The following MYO1D variants were observed in gnomAD, a reference collection of about 807,000 sequenced individuals.
The protein encoded by MYO1D is myosin ID, also known as unconventional myosin-Id.
MYO1D carries 83 observed loss-of-function variants against 122.0 expected under a neutral mutation model. The observed-to-expected ratio is 0.68, with a 90% CI of 0.57 to 0.82. The LOEUF (loss-of-function observed/expected upper bound fraction) is 0.82, where lower values mean the gene tolerates loss of function less well. Ranked by LOEUF, MYO1D falls within the 40% of genes least tolerant of loss-of-function variation. The pLI is 0.00. For missense variants in MYO1D, 1,157 were observed against 1,269.5 expected (o/e 0.91, Z 1.35); for synonymous variants, 464 against 446.9 (o/e 1.04, Z -0.48).
At chr17:32,617,205 G>A (rs2087782532) in intron 20 of MYO1D, among the ~76,000 whole-genome samples, 1 of 151,968 alleles carries the variant, frequency 6.6e-6, no homozygotes, top group South Asian at 2.1e-4. Flanking sequence ...AAATAAAGAA[G>A]GCTGACTACC....
At chr17:32,584,217 G>A (rs915345084) in intron 21 of MYO1D, among the ~76,000 whole-genome samples, 1 of 152,142 alleles carries the variant, frequency 6.6e-6, no homozygotes, top group East Asian at 1.9e-4. Context: ...TTTTACCTCT[G>A]TGCTTTAAAC....
intron 16 of MYO1D, among the ~76,000 whole-genome samples, chr17:32,683,727 G>A (rs2088960121): frequency 1.3e-5 from 2 of 152,248 alleles, no homozygotes; most frequent in African/African-American, 2.4e-5. Context: ...TGCCCCCAGA[G>A]GTGGAGCCTA....
In MYO1D at chr17:32,745,390, A is replaced by G. The variant is rs2089824637; in HGVS notation, c.1539-105T>C. On this transcript the variant is annotated intron_variant, in intron 12 of 21. Transcript: ENST00000318217. Reference sequence around the variant, plus strand: ...CCTTTCCACCGTTAATTATGCAATCAATAATCTAAAAGCTGATATTGTTCA... The same window carrying G: ...CCTTTCCACCGTTAATTATGCAATCGATAATCTAAAAGCTGATATTGTTCA... 10 of 668,982 alleles carry G rather than the reference A, an allele frequency of 1.5e-5. No individual in the cohort carries two copies. The South Asian group carries it at 1.7e-4, about 11-fold the overall frequency. The allele number at this position is 668,982 out of a possible 1,614,324, so 41.4% of individuals were successfully genotyped here.
At chr17:32,876,636 A>G (rs1040577514) in intron 1 of MYO1D, 142 bp downstream of exon 1, 4 of 584,002 alleles carry the variant, frequency 6.8e-6, no homozygotes, top group African/African-American at 2.0e-5. Context: ...AGCTTGGCAG[A>G]CCCCCGGACA....
chr17:32,645,047 G>T (rs2088267940), intron 19 of MYO1D, among the ~76,000 whole-genome samples: 2 of 152,290 alleles, frequency 1.3e-5, no homozygotes, highest in East Asian at 3.9e-4. Context: ...GCAGTGGCTG[G>T]TACCAGTTGT....
chr17:32,530,723 C>T (rs1412825196), intron 21 of MYO1D, among the ~76,000 whole-genome samples: 1 of 152,074 alleles, frequency 6.6e-6, no homozygotes, highest in African/African-American at 2.4e-5. Flanking sequence ...ATCTTTTGAG[C>T]CTAGGAGTTT....
intron 1 of MYO1D, among the ~76,000 whole-genome samples, chr17:32,803,566 AGCTTATATACATC>A (rs1341898796): frequency 6.6e-6 from 1 of 152,232 alleles, no homozygotes; most frequent in Admixed American, 6.5e-5. Context: ...AATCATCTAT[AGCTTATATACATC>A]GCACTATCAG....
chr17:32,659,391 A>T (rs1031071901), intron 16 of MYO1D, 53 bp from the exon 17 acceptor site: 46 of 1,565,662 alleles, frequency 2.9e-5, no homozygotes, highest in Non-Finnish European at 2.7e-5. Flanking sequence ...TGAGTTGTGG[A>T]TGGCTTTGAT....
intron 1 of MYO1D, among the ~76,000 whole-genome samples, chr17:32,847,458 T>C (rs948663687): frequency 3.3e-5 from 5 of 152,214 alleles, no homozygotes; most frequent in African/African-American, 1.2e-4. Flanking sequence ...AGGACATATC[T>C]TGGAACTTTG....
chr17:32,745,155 T>C (rs2089819143), intron 13 of MYO1D, 56 bp downstream of exon 13: 1 of 952,790 alleles, frequency 1.0e-6, no homozygotes, highest in Non-Finnish European at 1.6e-6. Context: ...CATGTGCATA[T>C]ATTACATATG....
intron 1 of MYO1D, among the ~76,000 whole-genome samples, chr17:32,826,300 TC>T (rs10718134): frequency 1 from 152,211 of 152,212 alleles, 76,105 homozygotes; most frequent in Middle Eastern, 1. Context: ...AATCAACACC[TC>T]CCATCCCCAC....
At chr17:32,643,637 GT>G (rs1243446318) in intron 19 of MYO1D, among the ~76,000 whole-genome samples, 3 of 152,064 alleles carry the variant, frequency 2.0e-5, no homozygotes, top group African/African-American at 4.8e-5. Flanking sequence ...CTTCTTCCTG[GT>G]TTAGTCTTGG....
chr17:32,595,131 T>C (rs1455508864), intron 21 of MYO1D, among the ~76,000 whole-genome samples: 1 of 152,072 alleles, frequency 6.6e-6, no homozygotes, highest in Non-Finnish European at 1.5e-5. Context: ...ATTCATATGG[T>C]GGTATGAAGG....
intron 16 of MYO1D, among the ~76,000 whole-genome samples, chr17:32,675,354 A>AT (rs1259073695): frequency 6.6e-6 from 1 of 152,200 alleles, no homozygotes. Flanking sequence ...ATCATGTTAC[A>AT]TTCAACTTGT....
In MYO1D at chr17:32,829,917, C is replaced by A. The variant is rs547711723; in HGVS notation, c.95+46861G>T. ...CCGCTAATCAAATAAACAGACATCT[C>A]TTCTATGAATAATTTAATTCACATA... is the stretch of plus-strand genomic sequence containing the variant. On this transcript the variant is annotated intron_variant, in intron 1 of 21. Transcript: ENST00000318217. 9.2e-5 allele frequency among the ~76,000 whole-genome samples: 14 copies of A among 152,294 alleles called. No homozygotes were observed. In the South Asian group the frequency reaches 1.0e-3, roughly 11 times the overall value.
intron 21 of MYO1D, among the ~76,000 whole-genome samples, chr17:32,556,245 T>G (rs151081499): frequency 6.6e-6 from 1 of 152,316 alleles, no homozygotes; most frequent in East Asian, 1.9e-4. Flanking sequence ...ACCAATCTTC[T>G]CTTACCTATA....
chr17:32,832,663 A>G (rs1741994986), intron 1 of MYO1D, among the ~76,000 whole-genome samples: 2 of 152,062 alleles, frequency 1.3e-5, no homozygotes, highest in Admixed American at 1.3e-4. Context: ...GAATGAGAAG[A>G]GCAAGCTAAG....
intron 21 of MYO1D, chr17:32,505,407 A>G (rs905209681): frequency 6.6e-6 from 1 of 152,408 alleles, no homozygotes; most frequent in Non-Finnish European, 1.5e-5. Context: ...GAAAGAAAGG[A>G]AAACCTCCAG....
intron 1 of MYO1D, among the ~76,000 whole-genome samples, chr17:32,792,917 G>C (rs1882156350): frequency 6.6e-6 from 1 of 152,040 alleles, no homozygotes; most frequent in African/African-American, 2.4e-5. Context: ...ATGAGCTTTA[G>C]AGTCATACAG....
Sources: allele counts gnomAD v4.1 joint callset (sites outside exome capture counted in the v4.1 genomes callset), GRCh38; gene constraint gnomAD v4.1.1; transcripts MANE v1.5; gene names NCBI Gene and HGNC (gene_info 2026-07-23, HGNC 2026-07-21).